DET1: variants seen among roughly 807,000 people sequenced by gnomAD.
DET1 encodes DET1 homolog.
DET1 carries 22 observed loss-of-function variants against 43.7 expected under a neutral mutation model. The observed-to-expected ratio is 0.50, with a 90% confidence interval of 0.36 to 0.72. DET1 has a LOEUF of 0.72. DET1 is among the 30% of genes least tolerant of loss of function. The probability of loss-of-function intolerance (pLI) is 0.00; values close to 1 mark genes in which losing one functional copy is unlikely to be tolerated. For synonymous variants in DET1, 315 were observed against 266.2 expected, an observed-to-expected ratio of 1.18 and a Z score of -1.79; for missense variants, 713 against 713.3, an observed-to-expected ratio of 1.00 and a Z score of 0.00.
rs760650796 is a variant in DET1 at position 88,512,600 on chromosome 15, C to G, written c.*351G>C. ...AACAAGATTTAACTGCTTTCAGATG[C>G]AAACCATAATGCCGAAGAAGTGACA... On this transcript the variant is annotated 3_prime_UTR_variant, in exon 5 of 5. Coordinates refer to ENST00000268148, the MANE Select transcript of DET1 (RefSeq NM_001144074.3). 9 of 1,027,220 alleles carry G rather than the reference C, an allele frequency of 8.8e-6. No individual in the cohort carries two copies. The highest frequency in any genetic ancestry group is 1.0e-5 in the Non-Finnish European group (9 of 857,308). 63.6% of individuals were successfully genotyped at this position (1,027,220 alleles called of 1,614,324 possible). A position where few individuals can be genotyped will look rare whatever the true frequency, so the allele number is the denominator to read the frequency against.
chr15:88,508,016 A>C (rs1241580468), downstream of DET1, among the ~76,000 whole-genome samples: 1 of 152,156 alleles, frequency 6.6e-6, no homozygotes, highest in African/African-American at 2.4e-5. Flanking sequence ...AAGAGCGCAA[A>C]CCGTATTGTG....
intron 3 of DET1, 73 bp downstream of exon 3, chr15:88,527,526 T>C: frequency 7.2e-7 from 1 of 1,397,478 alleles, no homozygotes; most frequent in Admixed American, 2.5e-5. Context: ...AGAGGTTTCC[T>C]AGAGACAACA....
intron 3 of DET1, among the ~76,000 whole-genome samples, chr15:88,519,695 C>T (rs986679045): frequency 6.6e-6 from 1 of 152,196 alleles, no homozygotes; most frequent in Non-Finnish European, 1.5e-5. Flanking sequence ...AATTCTCTTG[C>T]TTTGTGGTAC....
At chr15:88,507,465 C>T (rs190778386) in intron 7 of DET1, among the ~76,000 whole-genome samples, 19 of 152,238 alleles carry the variant, frequency 1.2e-4, no homozygotes, top group African/African-American at 4.6e-4. Context: ...TTTTTTCCAT[C>T]CCCCTCTGTT....
chr15:88,509,878 A>G (rs546089833), downstream of DET1, among the ~76,000 whole-genome samples: 1 of 152,354 alleles, frequency 6.6e-6, no homozygotes, highest in African/African-American at 2.4e-5. Flanking sequence ...TCCTCTCCCT[A>G]TCTCAATCCA....
In DET1 at chr15:88,530,759, T is replaced by A. The variant is rs2056788534; in HGVS notation, c.947A>T (p.Lys316Met). The change falls in exon 2 of 5, where the codon AAG becomes ATG. Residue 316 changes from lysine (K) to methionine (M), a missense_variant. Lys to Met is a moderately conservative substitution (Grantham distance 95, BLOSUM62 -1). Transcript: ENST00000268148. ...GTCAAAATACTGGAAGAAGCGCCTC[T>A]TGGCCATTGCACTACCATCCTGTTC... is the stretch of plus-strand genomic sequence containing the variant. ...RAEQDGSAMA[K>M]RRFFQYFDQL... is the part of the protein sequence containing the mutation. The A allele has an allele frequency of 3.7e-6, 6 of 1,613,868 alleles. No homozygotes were observed. The Admixed American group carries it at 1.0e-4, about 27-fold the overall frequency.
intron 3 of DET1, among the ~76,000 whole-genome samples, chr15:88,527,388 A>G (rs1173837282): frequency 6.6e-6 from 1 of 152,274 alleles, no homozygotes; most frequent in Non-Finnish European, 1.5e-5. Flanking sequence ...TGCAGCTCAC[A>G]TGCAGTCTAG....
At chr15:88,524,069 T>G (rs1396900838) in intron 3 of DET1, among the ~76,000 whole-genome samples, 8 of 145,310 alleles carry the variant, frequency 5.5e-5, no homozygotes, top group Non-Finnish European at 3.0e-5. Context: ...GTCTGAGATG[T>G]GGGGAGCGCT....
intron 3 of DET1, among the ~76,000 whole-genome samples, chr15:88,523,597 G>A (rs543223522): frequency 2.6e-5 from 4 of 152,274 alleles, no homozygotes; most frequent in East Asian, 1.9e-4. Context: ...GCACCGCCAC[G>A]CCTGACTGGT....
chr15:88,545,432 T>A (rs922501464), intron 1 of DET1, among the ~76,000 whole-genome samples: 7 of 151,950 alleles, frequency 4.6e-5, no homozygotes, highest in African/African-American at 1.7e-4. Flanking sequence ...AAAGATACCC[T>A]CCAAAAAGTT....
At chr15:88,535,556 GA>G (rs1019923893) in intron 1 of DET1, among the ~76,000 whole-genome samples, 2 of 152,106 alleles carry the variant, frequency 1.3e-5, no homozygotes, top group African/African-American at 4.8e-5. Context: ...AGGAGTTCAA[GA>G]CCAGCCTGGG....
Position 88,545,953 on chromosome 15 carries a change from G to A in DET1, c.-11+587C>T, listed in dbSNP as rs529919884. Among the ~76,000 whole-genome samples, 10 of 151,086 alleles carry A rather than the reference G, an allele frequency of 6.6e-5. No homozygotes were observed. The South Asian group carries it at 1.9e-3, about 29-fold the overall frequency. On this transcript the variant is annotated intron_variant, in intron 1 of 4. Transcript: ENST00000268148. ...TGATTGATAACACCCAAAGCCCCAC[G>A]TCTATCACCTTGTAATAGTCATAAA...
At chr15:88,511,483 C>T (rs991183225), downstream of DET1, 1 of 985,322 alleles carries the variant, frequency 1.0e-6, no homozygotes, top group African/African-American at 1.7e-5. Flanking sequence ...CTTGAAACAT[C>T]TTCAACTCTT....
In DET1 at chr15:88,522,686, AT is replaced by A. The variant is rs1004522904; in HGVS notation, c.1271+4912del. On this transcript the variant is annotated intron_variant, in intron 3 of 4. Transcript: ENST00000268148. ...ATCACACACGGCTAATTTTTTTTGT[AT>A]TTTTTTTTATTTAGAAGAGACGGGG... Among the ~76,000 whole-genome samples the A allele has an allele frequency of 4.7e-4, 70 of 147,888 alleles. No homozygotes were observed. The East Asian group carries it at 9.7e-3, about 20-fold the overall frequency.
At position 88,512,891 on chromosome 15, in the gene DET1, A is replaced by T; in HGVS notation, c.*60T>A. ...GTCGGGAGCTTTTGCTTTGGAGTCC[A>T]CTGAGATAAGTGAGTGGCAAAGTCT... On this transcript the variant is annotated 3_prime_UTR_variant, in exon 5 of 5. Transcript: ENST00000268148. 6.3e-7 allele frequency: 1 copy of T among 1,585,458 alleles called. No individual in the cohort carries two copies. Among genetic ancestry groups the T allele is most frequent in the South Asian group, 1.1e-5 (1 of 87,028 alleles).
chr15:88,531,577 A>G lies in DET1; in HGVS notation c.129T>C (p.His43=). Residue 43 remains histidine (H), a synonymous_variant, in exon 2 of 5, where the codon CAT becomes CAC. Coordinates refer to ENST00000268148, the MANE Select transcript of DET1 (RefSeq NM_001144074.3). The surrounding 1 kb of genome is among the most constrained non-coding windows in gnomAD (Gnocchi z 6.2). The part of the protein sequence containing the change: ...GTHWHQVRVF[H]QNVFPNFTVV... The stretch of plus-strand genomic sequence containing the variant: ...CTGTGAAGTTGGGGAAGACATTCTG[A>G]TGGAACACTCGGACTTGGTGCCAGT... The G allele has an allele frequency of 1.2e-6, 2 of 1,614,022 alleles. No individual in the cohort carries two copies. Among genetic ancestry groups the G allele is most frequent in the Non-Finnish European group, 8.5e-7 (1 of 1,179,890 alleles).
At position 88,531,359 on chromosome 15, in the gene DET1, A is replaced by G. The variant is rs560418679; in HGVS notation, c.347T>C (p.Ile116Thr). The stretch of plus-strand genomic sequence containing the variant: ...AAAGCGTTCAAAGAGCCGGCCCCGG[A>G]TATTCACTGACCGCTGGTCATTGCC... The part of the protein sequence containing the change: ...SNGNDQRSVN[I>T]RGRLFERFFV... Residue 116 changes from isoleucine to threonine, a missense_variant, in exon 2 of 5, where the codon ATC (isoleucine) becomes ACC (threonine). Ile to Thr is a moderately conservative substitution (Grantham distance 89, BLOSUM62 -1). Coordinates refer to ENST00000268148, the MANE Select transcript of DET1 (RefSeq NM_001144074.3). The surrounding 1 kb of genome is among the most constrained non-coding windows in gnomAD (Gnocchi z 6.2). The G allele has an allele frequency of 6.2e-7, 1 of 1,613,892 alleles. No individual in the cohort carries two copies. Among genetic ancestry groups the G allele is most frequent in the Non-Finnish European group, 8.5e-7 (1 of 1,179,888 alleles).
In DET1 at chr15:88,531,716, C is replaced by G; in HGVS notation, c.-10-1G>C. ...AACATGATGATCCATTATCACATCT[C>G]TAAACAGAAAAGTAAAGCAGAAGTC... On this transcript the variant is annotated splice_acceptor_variant, in intron 1 of 4. Coordinates refer to ENST00000268148, the MANE Select transcript of DET1 (RefSeq NM_001144074.3). LOFTEE classifies it low-confidence loss of function (5UTR_SPLICE). This position sits in a 1 kb window ranked among gnomAD's most constrained non-coding sequence, Gnocchi z 6.2. The G allele has an allele frequency of 6.3e-7, 1 of 1,592,764 alleles. No individual in the cohort carries two copies. Among genetic ancestry groups the G allele is most frequent in the Non-Finnish European group, 8.6e-7 (1 of 1,166,072 alleles).
chr15:88,531,771 T>A lies in DET1; in HGVS notation c.-10-56A>T. 6.8e-7 allele frequency: 1 copy of A among 1,479,348 alleles called. No homozygotes were observed. The highest frequency in any genetic ancestry group is 9.1e-7 in the Non-Finnish European group (1 of 1,103,030). 91.6% of individuals were successfully genotyped at this position (1,479,348 alleles called of 1,614,324 possible). A position where few individuals can be genotyped will look rare whatever the true frequency, so the allele number is the denominator to read the frequency against. On this transcript the variant is annotated intron_variant, in intron 1 of 4. Coordinates refer to ENST00000268148, the MANE Select transcript of DET1 (RefSeq NM_001144074.3). The surrounding 1 kb of genome is among the most constrained non-coding windows in gnomAD (Gnocchi z 6.2). ...AAGTGAAACAGAATTTACCAAAATA[T>A]AAATATATACAAGTGAAACAGATTT...
Sources: allele counts gnomAD v4.1 joint callset (sites outside exome capture counted in the v4.1 genomes callset), GRCh38; gene constraint gnomAD v4.1.1; non-coding constraint Gnocchi (gnomAD v3.1); transcripts MANE v1.5; gene names NCBI Gene and HGNC (gene_info 2026-07-23, HGNC 2026-07-21).